CASK: variants seen among roughly 807,000 people sequenced by gnomAD.
CASK encodes peripheral plasma membrane protein CASK.
A neutral mutation model predicts 82.9 loss-of-function variants in CASK; 4 were observed. The ratio of observed to expected loss-of-function variants is 0.05; its 90% CI spans 0.02 to 0.11. The LOEUF (loss-of-function observed/expected upper bound fraction) is 0.11, where lower values mean the gene tolerates loss of function less well. Ranked by LOEUF, CASK falls within the 10% of genes least tolerant of loss-of-function variation. CASK has a pLI of 1.00. For missense variants in CASK, 358 were observed against 720.9 expected (o/e 0.50, Z 5.76); for synonymous variants, 259 against 253.5 (o/e 1.02, Z -0.20).
rs1482237954 is a variant in CASK, at chrX:41,923,427, T to C, written c.-439A>G. The C allele has an allele frequency of 1.8e-5, 2 of 110,962 alleles. No homozygotes were observed. Among genetic ancestry groups the C allele is most frequent in the East Asian group, 2.9e-4 (1 of 3,455 alleles). The allele number at this position is 110,962 out of a possible 1,213,427, so 9.1% of individuals were successfully genotyped here. On this transcript the variant is annotated 5_prime_UTR_variant, in exon 1 of 27. An upstream start codon of the reference 5' UTR is lost. Coordinates refer to ENST00000378163, the MANE Select transcript of CASK (RefSeq NM_001367721.1). Reference sequence around the variant, plus strand: ...TACAGAGGGGGCCGCGGCAGGACCATGGAGCGAGGATCGCCGCGGAGGGAG... The same window carrying C: ...TACAGAGGGGGCCGCGGCAGGACCACGGAGCGAGGATCGCCGCGGAGGGAG...
intron 3 of CASK, among the ~76,000 whole-genome samples, chrX:41,745,874 T>C (rs2068678274): frequency 9.0e-6 from 1 of 111,721 alleles, no homozygotes; most frequent in Non-Finnish European, 1.9e-5. Flanking sequence ...AATTTTTCTT[T>C]AGGTTTTCAC....
chrX:41,883,125 G>T (rs938507836), intron 1 of CASK, among the ~76,000 whole-genome samples: 8 of 112,030 alleles, frequency 7.1e-5, no homozygotes, highest in African/African-American at 2.6e-4. Flanking sequence ...TATGCCAAAT[G>T]AGGCTACAGT....
At position 41,622,654 on chromosome X, in the gene CASK, T is replaced by C; in HGVS notation, c.1016-20A>G. 8.5e-6 allele frequency: 10 copies of C among 1,182,822 alleles called. No homozygotes were observed. Among genetic ancestry groups the C allele is most frequent in the Non-Finnish European group, 1.1e-5 (10 of 874,792 alleles). ...GAAGTCCTAGGAGGAAGGCAGCATA[T>C]GGACAAACAACAAACAGTATGATTT... is the stretch of plus-strand genomic sequence containing the variant. On this transcript the variant is annotated intron_variant, in intron 10 of 26. Transcript: ENST00000378163.
intron 20 of CASK, among the ~76,000 whole-genome samples, chrX:41,554,686 C>A (rs934928693): frequency 8.1e-5 from 9 of 111,410 alleles, no homozygotes; most frequent in African/African-American, 2.9e-4. Context: ...TATTATATGG[C>A]AGCATTTTAT....
chrX:41,787,564 AAAAC>A (rs1053724828), intron 2 of CASK, among the ~76,000 whole-genome samples: 4 of 109,831 alleles, frequency 3.6e-5, no homozygotes, highest in Non-Finnish European at 7.6e-5. Flanking sequence ...AAAAAAAAAA[AAAAC>A]AAACCACAAA....
chrX:41,575,529 C>T (rs1369055115), intron 15 of CASK, among the ~76,000 whole-genome samples: 1 of 104,063 alleles, frequency 9.6e-6, no homozygotes, highest in Non-Finnish European at 2.0e-5. Context: ...ATGGGAATTC[C>T]AATCAATAAA....
At chrX:41,579,372 G>T (rs1389377934) in intron 14 of CASK, among the ~76,000 whole-genome samples, 3 of 111,642 alleles carry the variant, frequency 2.7e-5, no homozygotes, top group Non-Finnish European at 5.6e-5. Context: ...AATAAGTTGA[G>T]AATTATTATT....
intron 17 of CASK, among the ~76,000 whole-genome samples, chrX:41,560,157 T>A (rs1205101295): frequency 8.9e-6 from 1 of 112,644 alleles, no homozygotes; most frequent in Non-Finnish European, 1.9e-5. Context: ...AAAGTGAATA[T>A]ACATTGAATT....
At chrX:41,575,196 C>G (rs2065468891) in intron 15 of CASK, among the ~76,000 whole-genome samples, 1 of 112,258 alleles carries the variant, frequency 8.9e-6, no homozygotes, top group South Asian at 3.7e-4. Context: ...GGCAGGCACT[C>G]TGCTAGGTAC....
At chrX:41,843,969 AAT>A (rs1256907659) in intron 2 of CASK, among the ~76,000 whole-genome samples, 8 of 111,969 alleles carry the variant, frequency 7.1e-5, no homozygotes, top group African/African-American at 2.3e-4. Flanking sequence ...AGCTATTATG[AAT>A]AATGCTGCTA....
intron 2 of CASK, among the ~76,000 whole-genome samples, chrX:41,848,323 G>A (rs1028184419): frequency 8.9e-6 from 1 of 112,246 alleles, no homozygotes; most frequent in Non-Finnish European, 1.9e-5. Context: ...GCCCAATGGA[G>A]CTGTCTGAGT....
At chrX:41,614,343 C>A (rs1408036088) in intron 11 of CASK, among the ~76,000 whole-genome samples, 5 of 110,983 alleles carry the variant, frequency 4.5e-5, no homozygotes, top group Non-Finnish European at 9.4e-5. Flanking sequence ...AAGGAGGAGT[C>A]CCTCTAAAAA....
At chrX:41,703,203 CAACAT>C (rs1244049813) in intron 5 of CASK, among the ~76,000 whole-genome samples, 1 of 111,957 alleles carries the variant, frequency 8.9e-6, no homozygotes, top group Non-Finnish European at 1.9e-5. Context: ...TGGAAAAACA[CAACAT>C]AACAGGCAGC....
At chrX:41,576,274 AT>A (rs1466405716) in intron 15 of CASK, among the ~76,000 whole-genome samples, 1 of 111,107 alleles carries the variant, frequency 9.0e-6, no homozygotes, top group Non-Finnish European at 1.9e-5. Flanking sequence ...CACCGGGCCA[AT>A]TCAGTCTATG....
At chrX:41,911,875 GT>G (rs199659345) in intron 1 of CASK, among the ~76,000 whole-genome samples, 3 of 110,076 alleles carry the variant, frequency 2.7e-5, no homozygotes, top group African/African-American at 9.9e-5. Flanking sequence ...GGCAATGACA[GT>G]TTTTTTTTAA....
intron 2 of CASK, among the ~76,000 whole-genome samples, chrX:41,847,041 C>G (rs1442570107): frequency 8.9e-6 from 1 of 111,814 alleles, no homozygotes; most frequent in African/African-American, 3.3e-5. Flanking sequence ...TTGCTATTTT[C>G]AAGATACTCC....
Position 41,843,405 on chromosome X carries a change from G to C in CASK, c.172+9710C>G, listed in dbSNP as rs189279308. Among the ~76,000 whole-genome samples, 272 of 111,352 alleles carry C rather than the reference G, an allele frequency of 2.4e-3. 1 individual carries two copies. The highest frequency in any genetic ancestry group is 8.6e-3 in the African/African-American group (264 of 30,693). ...GAATTTTGTTAAATGCTTTTTGTCT[G>C]CTGAGATGATCATGTGGACTGTTGT... On this transcript the variant is annotated intron_variant, in intron 2 of 26. Transcript: ENST00000378163.
intron 12 of CASK, among the ~76,000 whole-genome samples, chrX:41,607,005 T>A (rs192987522): frequency 5.2e-4 from 59 of 112,618 alleles, no homozygotes; most frequent in Middle Eastern, 4.6e-3. Context: ...ATACTGCACC[T>A]TTTTAATAGG....
At chrX:41,580,236 A>C (rs2065553235) in intron 14 of CASK, among the ~76,000 whole-genome samples, 1 of 112,377 alleles carries the variant, frequency 8.9e-6, no homozygotes, top group South Asian at 3.7e-4. Flanking sequence ...TCATTTGCTA[A>C]AATTATGTTC....
Sources: allele counts gnomAD v4.1 joint callset (sites outside exome capture counted in the v4.1 genomes callset), GRCh38; gene constraint gnomAD v4.1.1; transcripts MANE v1.5; gene names NCBI Gene and HGNC (gene_info 2026-07-23, HGNC 2026-07-21).